Variants in ZYG11B observed in about 807,000 individuals in gnomAD.
ZYG11B encodes the protein zyg-11 family member B, cell cycle regulator, also known as protein zyg-11 homolog B.
A neutral mutation model predicts 82.4 loss-of-function variants in ZYG11B; 36 were observed. The ratio of observed to expected loss-of-function variants is 0.44; its 90% CI spans 0.33 to 0.58. The LOEUF is 0.58. Ranked by LOEUF, ZYG11B falls within the 20% of genes least tolerant of loss-of-function variation. The pLI, the probability that ZYG11B is intolerant of heterozygous loss-of-function variation, is 0.02. For synonymous variants in ZYG11B, 303 were observed against 312.8 expected (o/e 0.97, Z 0.33); for missense variants, 552 against 895.6 (o/e 0.62, Z 4.90).
chr1:52,807,080 G>C (rs1283359655), intron 10 of ZYG11B, among the ~76,000 whole-genome samples: 1 of 151,920 alleles, frequency 6.6e-6, no homozygotes, highest in Non-Finnish European at 1.5e-5. Flanking sequence ...TGTTGGCCAG[G>C]GTGGTCTCAA....
At chr1:52,775,816 G>A (rs112599304) in intron 3 of ZYG11B, among the ~76,000 whole-genome samples, 5,929 of 151,744 alleles carry the variant, frequency 0.039, 365 homozygotes, top group African/African-American at 0.13. Flanking sequence ...GGTGGCTCAC[G>A]CCTGTAATCC....
chr1:52,751,804 C>T (rs752811137), intron 1 of ZYG11B, among the ~76,000 whole-genome samples: 1 of 152,066 alleles, frequency 6.6e-6, no homozygotes, highest in South Asian at 2.1e-4. Flanking sequence ...CCAGAAGGAC[C>T]AAGGCATGTG....
At chr1:52,793,925 AGTTTTCTTT>A (rs1279583752) in intron 6 of ZYG11B, among the ~76,000 whole-genome samples, 1 of 76,032 alleles carries the variant, frequency 1.3e-5, no homozygotes, top group Admixed American at 1.4e-4. Context: ...TTCCTTTCTT[AGTTTTCTTT>A]GTTTTCTTCC....
intron 2 of ZYG11B, among the ~76,000 whole-genome samples, chr1:52,760,760 CTTTTT>C (rs35437248): frequency 2.9e-5 from 3 of 104,668 alleles, no homozygotes; most frequent in Admixed American, 2.1e-4. Context: ...GCCTGGCCTA[CTTTTT>C]TTTTTTTTTT....
Position 52,813,521 on chromosome 1 carries a change from C to CTTTTTT in ZYG11B, c.1696-10_1696-5dup. 1.4e-6 allele frequency: 2 copies of CTTTTTT among 1,392,024 alleles called. No homozygotes were observed. The highest frequency in any genetic ancestry group is 2.0e-5 in the Admixed American group (1 of 50,804). The allele number at this position is 1,392,024 out of a possible 1,614,324, so 86.2% of individuals were successfully genotyped here. A position where few individuals can be genotyped will look rare whatever the true frequency, so the allele number is the denominator to read the frequency against. On this transcript the variant is annotated splice_polypyrimidine_tract_variant and intron_variant, in intron 10 of 13. Transcript: ENST00000294353. ...CATATTACATTAATTTTTATATTTT[C>CTTTTTT]TTTTTTTTTTCCAGAACAATATAGC...
At chr1:52,778,333 C>A (rs1462370583) in intron 3 of ZYG11B, among the ~76,000 whole-genome samples, 1 of 152,106 alleles carries the variant, frequency 6.6e-6, no homozygotes, top group African/African-American at 2.4e-5. Context: ...CTGTGTTGCC[C>A]AGGCTGGTCT....
At chr1:52,770,094 T>A (rs12040147) in intron 2 of ZYG11B, among the ~76,000 whole-genome samples, 1,002 of 69,590 alleles carry the variant, frequency 0.014, 7 homozygotes, top group African/African-American at 0.029. Context: ...ATATATATAT[T>A]TTTTTTTTTT....
At chr1:52,789,917 T>TC (rs1360617060) in intron 5 of ZYG11B, 86 bp from the exon 6 acceptor site, 4 of 722,738 alleles carry the variant, frequency 5.5e-6, no homozygotes, top group East Asian at 3.3e-5. Flanking sequence ...GTCTTCTTCT[T>TC]TTTTTTTTTT....
At chr1:52,820,290 G>A (rs1278068754) in intron 13 of ZYG11B, among the ~76,000 whole-genome samples, 2 of 151,794 alleles carry the variant, frequency 1.3e-5, no homozygotes, top group Non-Finnish European at 2.9e-5. Context: ...GATAGTTTAG[G>A]TTCCTACCTT....
In ZYG11B at chr1:52,771,145, G is replaced by A; in HGVS notation, c.322G>A (p.Val108Met). ...GAAAGCTTTCTGCCACCACAAGTTA[G>A]TGGAACTTGATGCCACAGGTGTGAA... ...FRKAFCHHKL[V>M]ELDATGVNAD... Residue 108 changes from valine to methionine, a missense_variant, in exon 3 of 14, where the codon GTG becomes ATG. Physicochemically the swap from Val to Met is conservative, Grantham distance 21. This residue lies in a region of ZYG11B where 359 missense variants were observed against 555.8 expected (regional missense o/e 0.65). Coordinates refer to ENST00000294353, the MANE Select transcript of ZYG11B (RefSeq NM_024646.3). This position sits in a 1 kb window ranked among gnomAD's most constrained non-coding sequence, Gnocchi z 5.4. The A allele has an allele frequency of 1.9e-6, 3 of 1,614,202 alleles. No homozygotes were observed. The highest frequency in any genetic ancestry group is 2.5e-6 in the Non-Finnish European group (3 of 1,180,050).
chr1:52,800,437 T>C (rs1466116250), intron 8 of ZYG11B, among the ~76,000 whole-genome samples: 2 of 152,164 alleles, frequency 1.3e-5, no homozygotes, highest in African/African-American at 4.8e-5. Context: ...GCTATATATG[T>C]ACCTCAGTAA....
chr1:52,800,004 A>G lies in ZYG11B; in HGVS notation c.1486-1815A>G, dbSNP rs141754551. 8.2e-3 allele frequency among the ~76,000 whole-genome samples: 1,248 copies of G among 152,132 alleles called. 17 individuals carry two copies. The Middle Eastern group carries it at 0.13, about 16-fold the overall frequency. On this transcript the variant is annotated intron_variant, in intron 8 of 13. Coordinates refer to ENST00000294353, the MANE Select transcript of ZYG11B (RefSeq NM_024646.3). ...GTTATTATGAAGATTAAATGAAAAG[A>G]AAAGCTCATGCTTGTAATCCCAGAA...
At chr1:52,817,997 C>T (rs977648075) in intron 13 of ZYG11B, among the ~76,000 whole-genome samples, 3 of 149,886 alleles carry the variant, frequency 2.0e-5, no homozygotes, top group Non-Finnish European at 4.4e-5. Context: ...ACCACCACAC[C>T]TGGCTAATTT....
At chr1:52,783,291 A>G (rs1644872313) in intron 4 of ZYG11B, among the ~76,000 whole-genome samples, 1 of 152,182 alleles carries the variant, frequency 6.6e-6, no homozygotes. Flanking sequence ...TAATCGTTTG[A>G]GGAAGTGAGA....
intron 3 of ZYG11B, among the ~76,000 whole-genome samples, chr1:52,774,375 T>C (rs192396568): frequency 6.6e-6 from 1 of 150,632 alleles, no homozygotes; most frequent in East Asian, 2.0e-4. Flanking sequence ...TGGCGTGATC[T>C]CGGCTCACAG....
intron 1 of ZYG11B, among the ~76,000 whole-genome samples, chr1:52,754,758 T>C (rs981920552): frequency 1.3e-5 from 2 of 152,212 alleles, no homozygotes; most frequent in African/African-American, 4.8e-5. Context: ...ATTGGTGTCA[T>C]ATCTAAGAAA....
chr1:52,742,890 G>C (rs7542570), intron 1 of ZYG11B, among the ~76,000 whole-genome samples: 1 of 150,646 alleles, frequency 6.6e-6, no homozygotes, highest in Non-Finnish European at 1.5e-5. Context: ...TAAAAGTTCT[G>C]GGGGGCAGCC....
intron 10 of ZYG11B, 73 bp downstream of exon 10, chr1:52,802,212 G>A: frequency 6.9e-7 from 1 of 1,454,162 alleles, no homozygotes; most frequent in South Asian, 1.3e-5. Flanking sequence ...ATTGAAAGTT[G>A]CAGCTCTGCA....
chr1:52,784,327 G>T (rs972602959), intron 4 of ZYG11B, among the ~76,000 whole-genome samples: 1 of 152,186 alleles, frequency 6.6e-6, no homozygotes, highest in African/African-American at 2.4e-5. Flanking sequence ...TACAGATGGG[G>T]TTTCACCATG....
Sources: allele counts gnomAD v4.1 joint callset (sites outside exome capture counted in the v4.1 genomes callset), GRCh38; gene constraint gnomAD v4.1.1; regional missense constraint gnomAD v4.1.1; non-coding constraint Gnocchi (gnomAD v3.1); transcripts MANE v1.5; gene names NCBI Gene and HGNC (gene_info 2026-07-23, HGNC 2026-07-21).